The following ASH1L variants were observed in gnomAD, a reference collection of about 807,000 sequenced individuals.
ASH1L encodes the protein histone-lysine N-methyltransferase ASH1L.
Under a neutral mutation model 269.0 loss-of-function variants are expected in ASH1L, and 23 were observed. The ratio of observed to expected loss-of-function variants is 0.09; its 90% CI spans 0.06 to 0.12. The LOEUF (loss-of-function observed/expected upper bound fraction) is 0.12, where lower values mean the gene tolerates loss of function less well. ASH1L is among the 10% of genes least tolerant of loss of function. The pLI, the probability that ASH1L is intolerant of heterozygous loss-of-function variation, is 1.00. For synonymous variants in ASH1L, 1,187 were observed against 1,253.5 expected (o/e 0.95, Z 1.12); for missense variants, 2,912 against 3,567.8 (o/e 0.82, Z 4.68).
At chr1:155,461,988 C>T (rs1364276042) in intron 3 of ASH1L, among the ~76,000 whole-genome samples, 9 of 151,752 alleles carry the variant, frequency 5.9e-5, no homozygotes, top group Non-Finnish European at 1.2e-4. Flanking sequence ...TTAGTAGAGA[C>T]GGGGTTCCAT....
chr1:155,550,902 C>T (rs1305833556), intron 1 of ASH1L, among the ~76,000 whole-genome samples: 1 of 152,184 alleles, frequency 6.6e-6, no homozygotes, highest in Non-Finnish European at 1.5e-5. Context: ...TGGCTGACTG[C>T]AGCCTCGACC....
rs1449372738 is a variant in ASH1L at position 155,335,705 on chromosome 1, A to G, written c.*1955T>C. On this transcript the variant is annotated 3_prime_UTR_variant, in exon 28 of 28. Transcript: ENST00000392403. Reference sequence around the variant, plus strand: ...TTTTTTTAGTCTTTCAACAAAAGAAAGATAAAATGACAGAGCGTAGTGTCT... The same window carrying G: ...TTTTTTTAGTCTTTCAACAAAAGAAGGATAAAATGACAGAGCGTAGTGTCT... The G allele has an allele frequency of 6.5e-6, 1 of 152,746 alleles. No individual in the cohort carries two copies. The highest frequency in any genetic ancestry group is 1.5e-5 in the Non-Finnish European group (1 of 68,042). 9.5% of individuals were successfully genotyped at this position (152,746 alleles called of 1,614,324 possible). A position where few individuals can be genotyped will look rare whatever the true frequency, so the allele number is the denominator to read the frequency against.
chr1:155,452,110 C>T (rs1438779391), intron 4 of ASH1L, among the ~76,000 whole-genome samples: 3 of 150,672 alleles, frequency 2.0e-5, no homozygotes, highest in African/African-American at 7.3e-5. Context: ...ATGATCTTGG[C>T]TCACTGCAAC....
chr1:155,350,918 C>CCAGAACAGGA, intron 17 of ASH1L, among the ~76,000 whole-genome samples: 1 of 18,960 alleles, frequency 5.3e-5, no homozygotes, highest in Non-Finnish European at 1.1e-4. Context: ...AGGACTCCGT[C>CCAGAACAGGA]CTAAAAAAAA....
chr1:155,537,777 T>A (rs1263233539), intron 1 of ASH1L, among the ~76,000 whole-genome samples: 5 of 151,964 alleles, frequency 3.3e-5, no homozygotes, highest in Non-Finnish European at 5.9e-5. Context: ...AAACTGAACT[T>A]CACCAAAACT....
At chr1:155,501,856 T>C (rs139931329) in intron 2 of ASH1L, among the ~76,000 whole-genome samples, 3,148 of 151,478 alleles carry the variant, frequency 0.021, 105 homozygotes, top group African/African-American at 0.073. Flanking sequence ...AGAAACGGGG[T>C]TTCACCATGT....
intron 4 of ASH1L, among the ~76,000 whole-genome samples, chr1:155,441,146 C>T (rs1434764916): frequency 3.3e-5 from 5 of 152,192 alleles, no homozygotes; most frequent in African/African-American, 7.2e-5. Flanking sequence ...TATTAAAATA[C>T]GTACATTAAT....
chr1:155,472,868 A>C (rs1412061646), intron 3 of ASH1L, among the ~76,000 whole-genome samples: 1 of 152,200 alleles, frequency 6.6e-6, no homozygotes, highest in Non-Finnish European at 1.5e-5. Context: ...AAAAGCTGAC[A>C]GTTTTTTAAG....
At chr1:155,407,317 C>G (rs906173435) in intron 6 of ASH1L, among the ~76,000 whole-genome samples, 8 of 152,086 alleles carry the variant, frequency 5.3e-5, no homozygotes, top group Non-Finnish European at 1.2e-4. Flanking sequence ...GTAAGACAGA[C>G]TCATAAATTT....
chr1:155,549,418 A>T (rs1257204359), intron 1 of ASH1L, among the ~76,000 whole-genome samples: 1 of 152,142 alleles, frequency 6.6e-6, no homozygotes, highest in Non-Finnish European at 1.5e-5. Context: ...CGGGTGGATC[A>T]CCTGAGGTCA....
chr1:155,482,984 T>C (rs1326195204), intron 2 of ASH1L, among the ~76,000 whole-genome samples: 1 of 152,310 alleles, frequency 6.6e-6, no homozygotes, highest in East Asian at 1.9e-4. Flanking sequence ...TAGAGCTCTC[T>C]CTTAATGTGG....
chr1:155,502,071 C>CTTTTTTTTTTTTTTTT (rs769262562), intron 2 of ASH1L, among the ~76,000 whole-genome samples: 1 of 126,424 alleles, frequency 7.9e-6, no homozygotes, highest in Admixed American at 8.1e-5. Context: ...CTTTTCTTTT[C>CTTTTTTTTTTTTTTTT]TTTTTTTTTT....
chr1:155,521,961 A>C (rs1352629926), intron 1 of ASH1L, among the ~76,000 whole-genome samples: 1 of 152,164 alleles, frequency 6.6e-6, no homozygotes, highest in Admixed American at 6.6e-5. Context: ...GTTTTAAAAG[A>C]ATATATTCCC....
chr1:155,353,451 T>A (rs998579515), intron 16 of ASH1L, among the ~76,000 whole-genome samples: 6 of 152,124 alleles, frequency 3.9e-5, no homozygotes, highest in Non-Finnish European at 8.8e-5. Flanking sequence ...ATTCAGCATA[T>A]CCCTCACACA....
intron 1 of ASH1L, among the ~76,000 whole-genome samples, chr1:155,536,387 G>A (rs1670057123): frequency 6.6e-6 from 1 of 152,120 alleles, no homozygotes; most frequent in Non-Finnish European, 1.5e-5. Flanking sequence ...ATCTGACTCA[G>A]GCCTTGAAAA....
intron 15 of ASH1L, among the ~76,000 whole-genome samples, chr1:155,356,581 G>C (rs1043651507): frequency 2.7e-5 from 4 of 150,296 alleles, no homozygotes; most frequent in African/African-American, 9.8e-5. Flanking sequence ...CTTGCAGTGA[G>C]CCGAGATTGC....
intron 1 of ASH1L, among the ~76,000 whole-genome samples, chr1:155,545,614 A>T (rs1448279343): frequency 6.6e-6 from 1 of 151,744 alleles, no homozygotes; most frequent in Non-Finnish European, 1.5e-5. Context: ...TAAAGGAGAA[A>T]GGTTTGGAAG....
intron 5 of ASH1L, chr1:155,433,255 G>A (rs1297733247): frequency 9.0e-6 from 14 of 1,554,932 alleles, no homozygotes; most frequent in African/African-American, 1.4e-5. Context: ...CAGGGGGGCC[G>A]GAGCCGGGCT....
intron 5 of ASH1L, among the ~76,000 whole-genome samples, chr1:155,422,605 G>C (rs1382578716): frequency 2.0e-5 from 3 of 150,912 alleles, no homozygotes; most frequent in Non-Finnish European, 4.4e-5. Flanking sequence ...ACTGCCTCTT[G>C]GTTGGCAGAA....
Sources: allele counts gnomAD v4.1 joint callset (sites outside exome capture counted in the v4.1 genomes callset), GRCh38; gene constraint gnomAD v4.1.1; transcripts MANE v1.5; gene names NCBI Gene and HGNC (gene_info 2026-07-23, HGNC 2026-07-21).